Variants in CADM2 observed in about 807,000 individuals in gnomAD.
The protein encoded by CADM2 is immunoglobulin superfamily member 4D.
Under a neutral mutation model 49.8 loss-of-function variants are expected in CADM2, and 12 were observed. The ratio of observed to expected loss-of-function variants is 0.24; its 90% confidence interval spans 0.15 to 0.39. The LOEUF (loss-of-function observed/expected upper bound fraction) is 0.39, where lower values mean the gene tolerates loss of function less well. Ranked by LOEUF, CADM2 falls within the 10% of genes least tolerant of loss-of-function variation. CADM2 has a pLI of 1.00. For synonymous variants in CADM2, 214 were observed against 175.4 expected (o/e 1.22, Z -1.74); for missense variants, 378 against 492.3 (o/e 0.77, Z 2.20).
intron 1 of CADM2, among the ~76,000 whole-genome samples, chr3:85,405,257 A>G (rs1380449925): frequency 2.0e-5 from 3 of 152,176 alleles, no homozygotes; most frequent in African/African-American, 7.2e-5. Context: ...AACAGTTTTG[A>G]TGGCCTGACC....
intron 1 of CADM2, among the ~76,000 whole-genome samples, chr3:85,177,031 T>C (rs2040803642): frequency 6.6e-6 from 1 of 152,146 alleles, no homozygotes; most frequent in African/African-American, 2.4e-5. Flanking sequence ...TGTTATGAGC[T>C]CACTCCCTAT....
intron 8 of CADM2, among the ~76,000 whole-genome samples, chr3:86,018,426 A>G (rs1732622391): frequency 1.3e-5 from 2 of 151,462 alleles, no homozygotes; most frequent in Admixed American, 1.3e-4. Context: ...TGGTATTTCC[A>G]GTTCTAGATC....
At chr3:85,994,990 G>A (rs1049984556) in intron 8 of CADM2, among the ~76,000 whole-genome samples, 1 of 122,576 alleles carries the variant, frequency 8.2e-6, no homozygotes, top group Non-Finnish European at 1.6e-5. Flanking sequence ...GTCAATGCAG[G>A]GTTGCCACAA....
At chr3:85,442,852 A>T (rs9847561) in intron 1 of CADM2, among the ~76,000 whole-genome samples, 3 of 151,280 alleles carry the variant, frequency 2.0e-5, no homozygotes, top group Non-Finnish European at 4.4e-5. Context: ...AAAGAAATTG[A>T]TATAATATCA....
At chr3:85,209,238 T>C (rs1246259526) in intron 1 of CADM2, among the ~76,000 whole-genome samples, 1 of 152,148 alleles carries the variant, frequency 6.6e-6, no homozygotes, top group Non-Finnish European at 1.5e-5. Context: ...GTAGACAGCT[T>C]TTTAAATACG....
intron 5 of CADM2, among the ~76,000 whole-genome samples, chr3:85,911,812 A>G (rs960273295): frequency 3.9e-5 from 6 of 152,176 alleles, no homozygotes; most frequent in Admixed American, 2.0e-4. Flanking sequence ...AGTATATAAG[A>G]ATATCTTGTG....
chr3:85,043,639 A>G (rs1363216343), intron 1 of CADM2, among the ~76,000 whole-genome samples: 3 of 152,094 alleles, frequency 2.0e-5, no homozygotes, highest in Admixed American at 6.6e-5. Flanking sequence ...TGATTGCCCT[A>G]CTACACTCAA....
intron 8 of CADM2, among the ~76,000 whole-genome samples, chr3:85,981,995 C>T (rs1727537228): frequency 1.3e-5 from 2 of 151,686 alleles, no homozygotes; most frequent in Non-Finnish European, 2.9e-5. Flanking sequence ...CATTCCATTT[C>T]TCTGCAAACT....
rs1026166060 is a variant in CADM2 at position 85,591,417 on chromosome 3, A to T, written c.62-135105A>T. On this transcript the variant is annotated intron_variant, in intron 1 of 9. Transcript: ENST00000383699. ...GTTTAAATATAATTGCATTACATTA[A>T]AACAGTTGGGTTTATGGTGTGATAT... Among the ~76,000 whole-genome samples, 145 of 94,040 alleles carry T rather than the reference A, an allele frequency of 1.5e-3. 1 individual carries two copies. The highest frequency in any genetic ancestry group is 2.7e-3 in the Non-Finnish European group (107 of 39,612). The allele number at this position is 94,040 out of a possible 152,430, so 61.7% of individuals were successfully genotyped here.
chr3:85,814,473 T>A (rs1253532245), intron 3 of CADM2, among the ~76,000 whole-genome samples: 1 of 151,760 alleles, frequency 6.6e-6, no homozygotes, highest in Non-Finnish European at 1.5e-5. Context: ...AGAGAAGCAA[T>A]AGCAAACAAA....
intron 1 of CADM2, among the ~76,000 whole-genome samples, chr3:85,453,610 TTAAA>T (rs1559847971): frequency 1.3e-5 from 2 of 152,170 alleles, no homozygotes; most frequent in African/African-American, 4.8e-5. Flanking sequence ...ACATCTTTGT[TTAAA>T]TAATAATGAC....
At chr3:85,769,660 G>A (rs1416851809) in intron 2 of CADM2, among the ~76,000 whole-genome samples, 1 of 123,604 alleles carries the variant, frequency 8.1e-6, no homozygotes, top group Non-Finnish European at 1.7e-5. Context: ...TACATATATA[G>A]TATATATATA....
intron 3 of CADM2, among the ~76,000 whole-genome samples, chr3:85,853,693 G>A (rs2075196425): frequency 6.6e-6 from 1 of 151,398 alleles, no homozygotes; most frequent in African/African-American, 2.4e-5. Flanking sequence ...AAAAATACTT[G>A]TGTAATTGTT....
chr3:85,929,019 T>A lies in CADM2; in HGVS notation c.701-6748T>A, dbSNP rs185717763. On this transcript the variant is annotated intron_variant, in intron 6 of 9. Transcript: ENST00000383699. ...AAATTGCTAGTTTGCAAAAAATATCTGAGTTTCACATACAGGACAAAACTA... is the reference window on the plus strand; with the variant it reads ...AAATTGCTAGTTTGCAAAAAATATCAGAGTTTCACATACAGGACAAAACTA... 5.9e-5 allele frequency among the ~76,000 whole-genome samples: 9 copies of A among 152,252 alleles called. No individual in the cohort carries two copies. The East Asian group carries it at 1.7e-3, about 29-fold the overall frequency.
chr3:85,621,051 A>T (rs577080268), intron 1 of CADM2, among the ~76,000 whole-genome samples: 1 of 152,280 alleles, frequency 6.6e-6, no homozygotes, highest in South Asian at 2.1e-4. Context: ...TTTTTAAGGT[A>T]ATATTCTTCA....
intron 1 of CADM2, among the ~76,000 whole-genome samples, chr3:85,468,683 G>C (rs769799109): frequency 1.3e-5 from 2 of 152,158 alleles, no homozygotes; most frequent in African/African-American, 2.4e-5. Context: ...TTCACTCAAA[G>C]TCACAGTTTC....
chr3:85,293,036 C>T (rs1440443861), intron 1 of CADM2, among the ~76,000 whole-genome samples: 1 of 152,004 alleles, frequency 6.6e-6, no homozygotes, highest in African/African-American at 2.4e-5. Flanking sequence ...AATTGATAGA[C>T]CGCTAGCAAG....
At chr3:85,790,870 G>T (rs2071281019) in intron 2 of CADM2, among the ~76,000 whole-genome samples, 1 of 152,154 alleles carries the variant, frequency 6.6e-6, no homozygotes, top group East Asian at 1.9e-4. Flanking sequence ...GTGGAAACTG[G>T]CAAGCGGCAC....
chr3:84,976,915 A>G (rs2031857219), intron 1 of CADM2, among the ~76,000 whole-genome samples: 1 of 151,930 alleles, frequency 6.6e-6, no homozygotes, highest in Admixed American at 6.6e-5. Flanking sequence ...TCATAGATTT[A>G]TATCTCACAG....
Sources: gnomAD v4.1 joint callset for allele counts (sites outside exome capture counted in the v4.1 genomes callset) on GRCh38, gnomAD v4.1.1 for gene constraint, MANE v1.5 for transcripts, NCBI Gene and HGNC (gene_info 2026-07-23, HGNC 2026-07-21) for gene names.